MAP2K3: variants seen among roughly 807,000 people sequenced by gnomAD.
MAP2K3 encodes mitogen-activated protein kinase kinase 3.
In MAP2K3, 30 loss-of-function variants were observed where a neutral mutation model predicts 46.4. That is an observed-to-expected ratio of 0.65 (90% CI 0.48 to 0.88). The LOEUF is 0.88. MAP2K3 is among the 40% of genes least tolerant of loss of function. The probability of loss-of-function intolerance (pLI) is 0.00; values close to 1 mark genes in which losing one functional copy is unlikely to be tolerated. For missense variants in MAP2K3, 380 were observed against 464.5 expected (o/e 0.82, Z 1.67); for synonymous variants, 189 against 176.3 (o/e 1.07, Z -0.57).
chr17:21,301,896 T>C (rs1356933269), intron 5 of MAP2K3, among the ~76,000 whole-genome samples: 1 of 152,304 alleles, frequency 6.6e-6, no homozygotes, highest in Non-Finnish European at 1.5e-5. Flanking sequence ...TCTTCCTCCC[T>C]GGAGACACCT....
intron 6 of MAP2K3, among the ~76,000 whole-genome samples, chr17:21,302,981 C>CTGA (rs1976690056): frequency 1.3e-5 from 2 of 152,306 alleles, no homozygotes; most frequent in Non-Finnish European, 2.9e-5. Context: ...AGGCAGGAGG[C>CTGA]CGAGTGTGTC....
intron 5 of MAP2K3, among the ~76,000 whole-genome samples, chr17:21,301,492 A>C (rs61356148): frequency 6.6e-6 from 1 of 152,302 alleles, no homozygotes; most frequent in East Asian, 1.9e-4. Flanking sequence ...CCGGGAGCCT[A>C]GGCGATGCTG....
intron 9 of MAP2K3, among the ~76,000 whole-genome samples, chr17:21,306,521 T>C (rs74471627): frequency 0.1 from 10,959 of 108,490 alleles, no homozygotes; most frequent in African/African-American, 0.17. Context: ...GAGTCTCACT[T>C]TGTCACCCAG....
At chr17:21,303,288 G>A (rs1597821538) in intron 7 of MAP2K3, 54 bp downstream of exon 7, 2 of 1,611,620 alleles carry the variant, frequency 1.2e-6, no homozygotes, top group Non-Finnish European at 8.5e-7. Context: ...GGGATCCCAG[G>A]CCAAGGCGGG....
At chr17:21,290,877 G>C (rs866141948) in intron 1 of MAP2K3, among the ~76,000 whole-genome samples, 1,330 of 151,652 alleles carry the variant, frequency 8.8e-3, no homozygotes, top group African/African-American at 0.031. Flanking sequence ...TTTGTGCCTG[G>C]GAGGTTGAGG....
chr17:21,301,006 A>T lies in MAP2K3; in HGVS notation c.399+13A>T, dbSNP rs74869330. 1.8e-5 allele frequency: 28 copies of T among 1,597,650 alleles called. No individual in the cohort carries two copies. The highest frequency in any genetic ancestry group is 1.7e-6 in the Non-Finnish European group (2 of 1,165,236). On this transcript the variant is annotated intron_variant, in intron 5 of 11. Coordinates refer to ENST00000342679, the MANE Select transcript of MAP2K3 (RefSeq NM_145109.3). Reference sequence around the variant, plus strand: ...ACTATTCAGAGAGGTGCGTCCTTGCATGATGCAGCTGGGGATCTCCACCTC... The same window carrying T: ...ACTATTCAGAGAGGTGCGTCCTTGCTTGATGCAGCTGGGGATCTCCACCTC...
At chr17:21,286,866 A>T (rs1975737454) in intron 1 of MAP2K3, among the ~76,000 whole-genome samples, 1 of 151,900 alleles carries the variant, frequency 6.6e-6, no homozygotes, top group African/African-American at 2.4e-5. Context: ...AGGCCCAGGG[A>T]CTCTGTAGTC....
intron 10 of MAP2K3, 51 bp from the exon 11 acceptor site, chr17:21,313,441 G>C: frequency 6.4e-7 from 1 of 1,563,492 alleles, no homozygotes; most frequent in South Asian, 1.1e-5. Context: ...GCCCTTGGGG[G>C]CTGGGCTTCC....
intron 9 of MAP2K3, 65 bp from the exon 10 acceptor site, chr17:21,312,077 G>A (rs1223291168): frequency 4.2e-6 from 6 of 1,437,146 alleles, no homozygotes; most frequent in South Asian, 3.0e-5. Flanking sequence ...CCCAACCCTC[G>A]CTCCTGGGTG....
In MAP2K3 at chr17:21,296,077, C is replaced by G. The variant is rs747146811; in HGVS notation, c.50-2336C>G. The G allele has an allele frequency of 5.1e-4, 660 of 1,287,024 alleles. No individual in the cohort carries two copies. In the African/African-American group the frequency reaches 9.1e-3, roughly 18 times the overall value. 79.7% of individuals were successfully genotyped at this position (1,287,024 alleles called of 1,614,324 possible). A position where few individuals can be genotyped will look rare whatever the true frequency, so the allele number is the denominator to read the frequency against. ...TTACTTAGGGCAGTTTTTTTTTTCA[C>G]CTCTGCAGAGAGGCTGGTCATATCC... On this transcript the variant is annotated intron_variant, in intron 1 of 11. Coordinates refer to ENST00000342679, the MANE Select transcript of MAP2K3 (RefSeq NM_145109.3).
intron 9 of MAP2K3, among the ~76,000 whole-genome samples, chr17:21,310,060 C>T (rs931324977): frequency 6.6e-6 from 1 of 150,644 alleles, no homozygotes; most frequent in Admixed American, 6.6e-5. Flanking sequence ...GGCTGCAGTG[C>T]AGTGGTGCAA....
At chr17:21,303,758 A>G (rs1450606590) in intron 7 of MAP2K3, among the ~76,000 whole-genome samples, 1 of 152,308 alleles carries the variant, frequency 6.6e-6, no homozygotes, top group African/African-American at 2.4e-5. Context: ...TTTGCTGCTG[A>G]GCACAAGTCT....
intron 3 of MAP2K3, among the ~76,000 whole-genome samples, chr17:21,299,297 G>A (rs1376243626): frequency 2.0e-5 from 3 of 152,308 alleles, no homozygotes; most frequent in African/African-American, 7.2e-5. Context: ...TGGGCAACCT[G>A]CATTTTATGC....
At chr17:21,299,727 AAGCCC>A in intron 3 of MAP2K3, among the ~76,000 whole-genome samples, 1 of 654 alleles carries the variant, frequency 1.5e-3, no homozygotes, top group African/African-American at 6.2e-3. Context: ...TCACGCCTGT[AAGCCC>A]AGCACTTTGG....
chr17:21,304,445 C>G lies in MAP2K3; in HGVS notation c.588C>G (p.Val196=). ...TGGCAGATGTGAAGCCCTCCAATGT[C>G]CTTATCAACAAGGAGGGCCATGTGA... ...VIHRDVKPSN[V]LINKEGHVKM... Residue 196 remains valine, a synonymous_variant, in exon 8 of 12, where the codon GTC becomes GTG. Transcript: ENST00000342679. 1 of 1,614,314 alleles carries G rather than the reference C, an allele frequency of 6.2e-7. No individual in the cohort carries two copies.
At chr17:21,293,042 G>A (rs532807966) in intron 1 of MAP2K3, among the ~76,000 whole-genome samples, 11 of 152,422 alleles carry the variant, frequency 7.2e-5, no homozygotes, top group South Asian at 6.2e-4. Context: ...GGCCAGGCAC[G>A]CAGAGGACAC....
intron 2 of MAP2K3, 81 bp downstream of exon 2, chr17:21,298,560 T>A: frequency 6.2e-7 from 1 of 1,610,360 alleles, no homozygotes; most frequent in Non-Finnish European, 8.5e-7. Context: ...GAGAGGCAGG[T>A]GGGGCCAGCC....
chr17:21,313,821 A>G, intron 11 of MAP2K3: 1 of 576,204 alleles, frequency 1.7e-6, no homozygotes, highest in East Asian at 2.9e-5. Flanking sequence ...AGGAGGTACC[A>G]TTTGAACTGA....
intron 6 of MAP2K3, 135 bp from the exon 7 acceptor site, chr17:21,303,047 GA>G: frequency 1.7e-6 from 2 of 1,145,608 alleles, no homozygotes; most frequent in South Asian, 1.4e-5. Context: ...AGGAGGCTGG[GA>G]TGAGAGGGTG....
Sources: gnomAD v4.1 joint callset for allele counts (sites outside exome capture counted in the v4.1 genomes callset) on GRCh38, gnomAD v4.1.1 for gene constraint, MANE v1.5 for transcripts, NCBI Gene and HGNC (gene_info 2026-07-23, HGNC 2026-07-21) for gene names.